Variants in ADAMTS6 observed in about 807,000 individuals in gnomAD.
ADAMTS6 encodes A disintegrin and metalloproteinase with thrombospondin motifs 6.
A neutral mutation model predicts 144.3 loss-of-function variants in ADAMTS6; 23 were observed. The ratio of observed to expected loss-of-function variants is 0.16; its 90% CI spans 0.11 to 0.23. The LOEUF is 0.23. Ranked by LOEUF, ADAMTS6 falls within the 10% of genes least tolerant of loss-of-function variation. ADAMTS6 has a pLI of 1.00. For synonymous variants in ADAMTS6, 444 were observed against 457.5 expected (o/e 0.97, Z 0.38); for missense variants, 999 against 1,379.6 (o/e 0.72, Z 4.37).
chr5:65,225,191 G>A, intron 16 of ADAMTS6, 144 bp from the exon 17 acceptor site: 1 of 991,018 alleles, frequency 1.0e-6, no homozygotes. Flanking sequence ...AACCATACTT[G>A]GGTCTTTGTT....
At chr5:65,332,312 T>TAGAGAGAG (rs10673039) in intron 8 of ADAMTS6, among the ~76,000 whole-genome samples, 95 of 102,106 alleles carry the variant, frequency 9.3e-4, no homozygotes, top group Non-Finnish European at 1.3e-3. Context: ...TATATATATA[T>TAGAGAGAG]AGAGAGAGAG....
At chr5:65,201,964 G>C (rs1281553171) in intron 20 of ADAMTS6, among the ~76,000 whole-genome samples, 1 of 152,098 alleles carries the variant, frequency 6.6e-6, no homozygotes, top group Non-Finnish European at 1.5e-5. Flanking sequence ...ACAAGTGCCA[G>C]GAAAAAAAAT....
intron 9 of ADAMTS6, among the ~76,000 whole-genome samples, chr5:65,300,877 T>C (rs944281917): frequency 6.6e-6 from 1 of 152,084 alleles, no homozygotes; most frequent in Non-Finnish European, 1.5e-5. Context: ...GTGATCTGCC[T>C]GCCTCAGCCT....
intron 7 of ADAMTS6, among the ~76,000 whole-genome samples, chr5:65,437,840 G>T (rs758818012): frequency 1.3e-5 from 2 of 151,938 alleles, no homozygotes; most frequent in Non-Finnish European, 2.9e-5. Context: ...TTTTTCCATG[G>T]AATATTTTCG....
intron 9 of ADAMTS6, among the ~76,000 whole-genome samples, chr5:65,309,383 C>T (rs1298628094): frequency 6.7e-6 from 1 of 148,716 alleles, no homozygotes; most frequent in Non-Finnish European, 1.5e-5. Context: ...CACAAAAGGG[C>T]TCTCGCTCCT....
chr5:65,338,969 G>A (rs1747573509), intron 7 of ADAMTS6, among the ~76,000 whole-genome samples: 1 of 152,142 alleles, frequency 6.6e-6, no homozygotes, highest in African/African-American at 2.4e-5. Flanking sequence ...CCAAGCAGCT[G>A]TGCACTCATG....
At chr5:65,269,195 T>C (rs1042706955) in intron 12 of ADAMTS6, among the ~76,000 whole-genome samples, 1 of 152,218 alleles carries the variant, frequency 6.6e-6, no homozygotes, top group Admixed American at 6.5e-5. Context: ...ACTCTAGTAA[T>C]ATGTTAGCAC....
intron 12 of ADAMTS6, among the ~76,000 whole-genome samples, chr5:65,272,240 T>C (rs1453827437): frequency 6.6e-6 from 1 of 152,254 alleles, no homozygotes; most frequent in Non-Finnish European, 1.5e-5. Context: ...TAATAGTTAT[T>C]GCAAATTCAG....
chr5:65,163,972 T>C lies in ADAMTS6; in HGVS notation c.3244+6645A>G, dbSNP rs368958934. Among the ~76,000 whole-genome samples, 105 of 152,310 alleles carry C rather than the reference T, an allele frequency of 6.9e-4. 3 individuals are homozygous for C. The South Asian group carries it at 0.021, about 31-fold the overall frequency. On this transcript the variant is annotated intron_variant, in intron 24 of 24. Transcript: ENST00000381055. ...ACGATTGTGGCCGGGGGGTGGGGCA[T>C]CTGCTGTTAATAAAGGGATTTCCCA...
chr5:65,275,316 A>AAG (rs765575397), intron 11 of ADAMTS6, among the ~76,000 whole-genome samples: 1 of 148,844 alleles, frequency 6.7e-6, no homozygotes, highest in Non-Finnish European at 1.5e-5. Context: ...GATGGAAAGA[A>AAG]AGAGAGAGAG....
intron 7 of ADAMTS6, among the ~76,000 whole-genome samples, chr5:65,398,886 C>A (rs1035611965): frequency 1.3e-5 from 2 of 151,988 alleles, no homozygotes; most frequent in Non-Finnish European, 2.9e-5. Flanking sequence ...GAAAAAGAAG[C>A]AAGCTAATTC....
chr5:65,355,981 C>T lies in ADAMTS6; in HGVS notation c.1074-21896G>A, dbSNP rs1281100325. ...CCCTAATTTTATTGTTTCATTCCTGCGCTCCTAGCTCAAACACAAGCACAC... is the reference window on the plus strand; with the variant it reads ...CCCTAATTTTATTGTTTCATTCCTGTGCTCCTAGCTCAAACACAAGCACAC... On this transcript the variant is annotated intron_variant, in intron 7 of 24. Coordinates refer to ENST00000381055, the MANE Select transcript of ADAMTS6 (RefSeq NM_197941.4). Among the ~76,000 whole-genome samples the T allele has an allele frequency of 4.0e-5, 6 of 151,738 alleles. No homozygotes were observed. The East Asian group carries it at 5.8e-4, about 15-fold the overall frequency.
At chr5:65,340,646 C>T (rs1405853576) in intron 7 of ADAMTS6, among the ~76,000 whole-genome samples, 1 of 151,356 alleles carries the variant, frequency 6.6e-6, no homozygotes, top group Non-Finnish European at 1.5e-5. Flanking sequence ...GATTAAATTC[C>T]CCATTGAAAA....
chr5:65,260,475 T>A, intron 14 of ADAMTS6, 125 bp downstream of exon 14: 1 of 727,956 alleles, frequency 1.4e-6, no homozygotes, highest in Non-Finnish European at 2.3e-6. Context: ...TTATTAACAA[T>A]TTAGAAAATT....
chr5:65,246,456 G>A (rs540308246), intron 14 of ADAMTS6, among the ~76,000 whole-genome samples: 3 of 152,260 alleles, frequency 2.0e-5, no homozygotes, highest in South Asian at 2.1e-4. Context: ...TTCTGCTTTC[G>A]TGGAGTTTAC....
rs1233231771 is a variant in ADAMTS6 at position 65,149,461 on chromosome 5, C to A, written c.*2375G>T. ...TCTAGAAAGGCACTCTGATGCTGCCCCGGGGGATGCCTGCATTTTGTTCTC... is the reference window on the plus strand; with the variant it reads ...TCTAGAAAGGCACTCTGATGCTGCCACGGGGGATGCCTGCATTTTGTTCTC... On this transcript the variant is annotated 3_prime_UTR_variant, in exon 25 of 25. Coordinates refer to ENST00000381055, the MANE Select transcript of ADAMTS6 (RefSeq NM_197941.4). 5 of 152,222 alleles carry A rather than the reference C, an allele frequency of 3.3e-5. No homozygotes were observed. Among genetic ancestry groups the A allele is most frequent in the Non-Finnish European group, 5.9e-5 (4 of 68,062 alleles). The allele number at this position is 152,222 out of a possible 1,614,324, so 9.4% of individuals were successfully genotyped here.
At chr5:65,398,117 A>C (rs914480283) in intron 7 of ADAMTS6, among the ~76,000 whole-genome samples, 4 of 152,202 alleles carry the variant, frequency 2.6e-5, no homozygotes, top group Admixed American at 2.0e-4. Context: ...TGGATAAAGT[A>C]GTCTACAGAT....
In ADAMTS6 at chr5:65,259,139, C is replaced by T. The variant is rs189267685; in HGVS notation, c.1830+1461G>A. Among the ~76,000 whole-genome samples, 6 of 151,842 alleles carry T rather than the reference C, an allele frequency of 4.0e-5. No homozygotes were observed. In the East Asian group the frequency reaches 1.2e-3, roughly 29 times the overall value. ...TGGGAGGCCGAGGCGGGTGGATCAC[C>T]TGAGGTCAGGAGTTCGAGACCAGTC... On this transcript the variant is annotated intron_variant, in intron 14 of 24. Transcript: ENST00000381055.
At chr5:65,401,394 G>C (rs1181081889) in intron 7 of ADAMTS6, among the ~76,000 whole-genome samples, 1 of 152,094 alleles carries the variant, frequency 6.6e-6, no homozygotes, top group Non-Finnish European at 1.5e-5. Context: ...TTTCTCCTGA[G>C]GTCAGACCTT....
Sources: gnomAD v4.1 joint callset for allele counts (sites outside exome capture counted in the v4.1 genomes callset) on GRCh38, gnomAD v4.1.1 for gene constraint, MANE v1.5 for transcripts, NCBI Gene and HGNC (gene_info 2026-07-23, HGNC 2026-07-21) for gene names.